The following RHOQ variants were observed in gnomAD, a reference collection of about 807,000 sequenced individuals.
RHOQ encodes ras homolog family member Q.
In RHOQ, 7 loss-of-function variants were observed where a neutral mutation model predicts 25.8. The ratio of observed to expected loss-of-function variants is 0.27; its 90% CI spans 0.15 to 0.51. The LOEUF (loss-of-function observed/expected upper bound fraction) is 0.51. RHOQ is among the 20% of genes least tolerant of loss of function. RHOQ has a pLI of 0.97. For synonymous variants in RHOQ, 97 were observed against 98.6 expected, an observed-to-expected ratio of 0.98 and a Z score of 0.10; for missense variants, 165 against 260.6, an observed-to-expected ratio of 0.63 and a Z score of 2.53.
chr2:46,573,303 T>G (rs1275691708), intron 2 of RHOQ, among the ~76,000 whole-genome samples: 2 of 151,964 alleles, frequency 1.3e-5, no homozygotes, highest in African/African-American at 4.8e-5. Flanking sequence ...ACCTCAAGAG[T>G]CCCACCTCGG....
chr2:46,549,305 A>G (rs1240081972), intron 2 of RHOQ, among the ~76,000 whole-genome samples: 1 of 152,088 alleles, frequency 6.6e-6, no homozygotes, highest in Non-Finnish European at 1.5e-5. Flanking sequence ...TGTGATGTGA[A>G]AAAGGTGGGA....
chr2:46,557,503 T>A (rs1668443245), intron 2 of RHOQ, among the ~76,000 whole-genome samples: 1 of 152,086 alleles, frequency 6.6e-6, no homozygotes, highest in Non-Finnish European at 1.5e-5. Flanking sequence ...AAAATGCACA[T>A]GTATAATATG....
chr2:46,544,712 ACT>A (rs1317366304), intron 2 of RHOQ, among the ~76,000 whole-genome samples: 3 of 152,132 alleles, frequency 2.0e-5, no homozygotes, highest in Admixed American at 6.5e-5. Context: ...AGAGTTGAAG[ACT>A]CTGGCAGAAG....
Position 46,546,988 on chromosome 2 carries a change from C to T in RHOQ, c.201+3176C>T, listed in dbSNP as rs529501158. Among the ~76,000 whole-genome samples the T allele has an allele frequency of 5.9e-5, 9 of 152,252 alleles. No homozygotes were observed. In the East Asian group the frequency reaches 1.2e-3, roughly 20 times the overall value. On this transcript the variant is annotated intron_variant, in intron 2 of 4. Transcript: ENST00000238738. ...TGGTTCCAAGCCCAGTGCTCCCTGC[C>T]GTAAATGCCCTGTTGTATCAGATGG...
rs575724658 is a variant in RHOQ at position 46,557,314 on chromosome 2, T to C, written c.201+13502T>C. Among the ~76,000 whole-genome samples the C allele has an allele frequency of 1.2e-4, 18 of 152,346 alleles. No individual in the cohort carries two copies. In the East Asian group the frequency reaches 2.7e-3, roughly 23 times the overall value. On this transcript the variant is annotated intron_variant, in intron 2 of 4. Coordinates refer to ENST00000238738, the MANE Select transcript of RHOQ (RefSeq NM_012249.4). ...TAGTGATAAATTATAAACACATTGA[T>C]GCATAGTAAAAAGGGAGTTGCTAAA...
intron 1 of RHOQ, chr2:46,543,523 T>C: frequency 6.6e-6 from 4 of 604,234 alleles, no homozygotes; most frequent in African/African-American, 1.9e-5. Context: ...GAGCGAGACG[T>C]GGCTACGGGA....
intron 2 of RHOQ, among the ~76,000 whole-genome samples, chr2:46,563,313 G>A (rs1249572838): frequency 6.6e-6 from 1 of 152,198 alleles, no homozygotes; most frequent in Non-Finnish European, 1.5e-5. Context: ...TTCCTCATCA[G>A]TGAGGTGGCA....
intron 2 of RHOQ, among the ~76,000 whole-genome samples, chr2:46,564,494 C>T (rs536097576): frequency 1.3e-5 from 2 of 152,246 alleles, no homozygotes; most frequent in South Asian, 2.1e-4. Context: ...TTTCGCCTGC[C>T]GGGAAGCCAT....
intron 2 of RHOQ, among the ~76,000 whole-genome samples, chr2:46,553,345 ATGT>A (rs993723952): frequency 3.3e-5 from 5 of 152,058 alleles, no homozygotes; most frequent in Non-Finnish European, 7.4e-5. Flanking sequence ...TTTTAAAAAA[ATGT>A]TGTGGGTGTA....
intron 2 of RHOQ, among the ~76,000 whole-genome samples, chr2:46,558,446 C>G (rs930863376): frequency 6.6e-6 from 1 of 152,062 alleles, no homozygotes; most frequent in African/African-American, 2.4e-5. Flanking sequence ...TATTTTTTCT[C>G]CCTTTGGAAT....
intron 2 of RHOQ, among the ~76,000 whole-genome samples, chr2:46,575,408 C>CACACACAG (rs1387437019): frequency 7.3e-6 from 1 of 136,600 alleles, no homozygotes; most frequent in Non-Finnish European, 1.5e-5. Context: ...TTCACACACA[C>CACACACAG]ACACACACAC....
At chr2:46,564,903 C>T (rs1192945610) in intron 2 of RHOQ, among the ~76,000 whole-genome samples, 2 of 152,214 alleles carry the variant, frequency 1.3e-5, no homozygotes, top group Non-Finnish European at 2.9e-5. Context: ...ACTGAGCTGT[C>T]GCATACACCC....
At chr2:46,550,261 A>G (rs1668200571) in intron 2 of RHOQ, among the ~76,000 whole-genome samples, 1 of 151,992 alleles carries the variant, frequency 6.6e-6, no homozygotes, top group Non-Finnish European at 1.5e-5. Context: ...AAAAGAATTG[A>G]TTCTCATTTG....
intron 2 of RHOQ, among the ~76,000 whole-genome samples, chr2:46,551,338 A>C (rs1335003343): frequency 6.6e-6 from 1 of 152,164 alleles, no homozygotes; most frequent in East Asian, 1.9e-4. Flanking sequence ...ATGTGTGCTG[A>C]ACACATCATC....
chr2:46,566,580 A>G lies in RHOQ; in HGVS notation c.202-9507A>G, dbSNP rs754652624. On this transcript the variant is annotated intron_variant, in intron 2 of 4. Coordinates refer to ENST00000238738, the MANE Select transcript of RHOQ (RefSeq NM_012249.4). The surrounding 1 kb of genome is among the most constrained non-coding windows in gnomAD (Gnocchi z 4.2). ...CTGACTGCCTAATTCATTCTTCTCA[A>G]AGTAGCCTGGATTATCGTTTTCAAA... Among the ~76,000 whole-genome samples, 1 of 152,032 alleles carries G rather than the reference A, an allele frequency of 6.6e-6. No individual in the cohort carries two copies. Among genetic ancestry groups the G allele is most frequent in the East Asian group, 1.9e-4 (1 of 5,186 alleles).
At chr2:46,570,365 G>A (rs781694299) in intron 2 of RHOQ, among the ~76,000 whole-genome samples, 2 of 152,168 alleles carry the variant, frequency 1.3e-5, no homozygotes, top group East Asian at 3.9e-4. Context: ...GCTTGAATCC[G>A]GGAGGCAGAG....
rs1558680639 is a variant in RHOQ at position 46,546,511 on chromosome 2, TGTATATACATATATATATATAC to T, written c.201+2700_201+2721del. 1.4e-3 allele frequency among the ~76,000 whole-genome samples: 31 copies of T among 21,952 alleles called. 3 individuals carry two copies. The highest frequency in any genetic ancestry group is 4.8e-3 in the African/African-American group (26 of 5,452). The allele number at this position is 21,952 out of a possible 152,430, so 14.4% of individuals were successfully genotyped here. A position where few individuals can be genotyped will look rare whatever the true frequency, so the allele number is the denominator to read the frequency against. On this transcript the variant is annotated intron_variant, in intron 2 of 4. Transcript: ENST00000238738. ...ATATATATATATATATATATATATA[TGTATATACATATATATATATAC>T]ACAAATCCTTAAGCCTAGTGGGCAG...
rs1185450707 is a variant in RHOQ at position 46,581,863 on chromosome 2, A to G, written c.*780A>G. 3 of 295,748 alleles carry G rather than the reference A, an allele frequency of 1.0e-5. No homozygotes were observed. The highest frequency in any genetic ancestry group is 1.9e-5 in the Non-Finnish European group (3 of 160,904). The allele number at this position is 295,748 out of a possible 1,614,324, so 18.3% of individuals were successfully genotyped here. A position where few individuals can be genotyped will look rare whatever the true frequency, so the allele number is the denominator to read the frequency against. On this transcript the variant is annotated 3_prime_UTR_variant, in exon 5 of 5. Transcript: ENST00000238738. ...GACACATGCTAAAATTACAAATTAA[A>G]ATTTTGGGTCAGACTTTGCCATAAT...
In RHOQ at chr2:46,581,079, C is replaced by T. The variant is rs141544914; in HGVS notation, c.614C>T (p.Thr205Met). 18 of 1,526,116 alleles carry T rather than the reference C, an allele frequency of 1.2e-5. No individual in the cohort carries two copies. The highest frequency in any genetic ancestry group is 2.8e-5 in the African/African-American group (2 of 71,324). The allele number at this position is 1,526,116 out of a possible 1,614,324, so 94.5% of individuals were successfully genotyped here. The change falls in exon 5 of 5, where the codon ACG (threonine) becomes ATG (methionine). Residue 205 changes from threonine (T) to methionine (M), a missense_variant. By Grantham distance (81) the Thr-to-Met change is moderately conservative. Transcript: ENST00000238738. Reference protein sequence around the residue: ...GSRCINCCLIT With the variant: ...GSRCINCCLIM ...AGATGTATAAACTGTTGTTTAATTA[C>T]GTGAGAAACATCTTCAGTGGCCAAG...
Sources: allele counts gnomAD v4.1 joint callset (sites outside exome capture counted in the v4.1 genomes callset), GRCh38; gene constraint gnomAD v4.1.1; non-coding constraint Gnocchi (gnomAD v3.1); transcripts MANE v1.5; gene names NCBI Gene and HGNC (gene_info 2026-07-23, HGNC 2026-07-21).